LRMDA: variants seen among roughly 807,000 people sequenced by gnomAD.
The protein encoded by LRMDA is leucine rich melanocyte differentiation associated, also known as leucine-rich melanocyte differentiation-associated protein.
Under a neutral mutation model 29.8 loss-of-function variants are expected in LRMDA, and 18 were observed. The observed-to-expected ratio is 0.60, with a 90% CI of 0.42 to 0.90. The LOEUF is 0.90. Among genes scored for constraint, LRMDA ranks in the 40% least tolerant of loss-of-function variants. LRMDA has a pLI of 0.00. For missense variants in LRMDA, 273 were observed against 273.9 expected (o/e 1.00, Z 0.02); for synonymous variants, 125 against 109.4 (o/e 1.14, Z -0.89).
chr10:75,844,509 T>A (rs1564583923), intron 2 of LRMDA, among the ~76,000 whole-genome samples: 1 of 152,184 alleles, frequency 6.6e-6, no homozygotes, highest in Non-Finnish European at 1.5e-5. Flanking sequence ...TGGATGTGTC[T>A]CTTTTACCCG....
chr10:76,205,323 G>A (rs1179216832), intron 5 of LRMDA, among the ~76,000 whole-genome samples: 1 of 152,100 alleles, frequency 6.6e-6, no homozygotes, highest in Non-Finnish European at 1.5e-5. Context: ...CCTGGGTTTC[G>A]AGGTGGATTC....
chr10:75,484,231 C>T (rs1476696466), intron 2 of LRMDA, among the ~76,000 whole-genome samples: 3 of 152,158 alleles, frequency 2.0e-5, no homozygotes, highest in African/African-American at 4.8e-5. Flanking sequence ...GCTGGGATTA[C>T]AGACATGTGC....
chr10:76,113,983 T>C (rs748992107), intron 5 of LRMDA, among the ~76,000 whole-genome samples: 4 of 152,222 alleles, frequency 2.6e-5, no homozygotes, highest in Non-Finnish European at 5.9e-5. Context: ...AAGTTGGTGC[T>C]TATACAAAGC....
At chr10:75,897,417 G>T (rs919590979) in intron 2 of LRMDA, among the ~76,000 whole-genome samples, 2 of 152,202 alleles carry the variant, frequency 1.3e-5, no homozygotes, top group African/African-American at 4.8e-5. Flanking sequence ...TTGTTCTTCT[G>T]ATGTTTGGGG....
At chr10:75,447,241 T>C (rs1589146899) in intron 2 of LRMDA, among the ~76,000 whole-genome samples, 1 of 152,310 alleles carries the variant, frequency 6.6e-6, no homozygotes, top group East Asian at 1.9e-4. Flanking sequence ...CTGGCCATCC[T>C]GGTGTCTCCA....
At chr10:75,737,280 T>C (rs1842777527) in intron 2 of LRMDA, among the ~76,000 whole-genome samples, 1 of 152,176 alleles carries the variant, frequency 6.6e-6, no homozygotes, top group South Asian at 2.1e-4. Context: ...CAAAACTCTC[T>C]CAGTAAAGTA....
At chr10:75,998,387 C>T (rs779163515) in intron 2 of LRMDA, among the ~76,000 whole-genome samples, 8 of 152,158 alleles carry the variant, frequency 5.3e-5, no homozygotes, top group Admixed American at 5.2e-4. Context: ...ATCACCTGGC[C>T]TCTGGGTACC....
chr10:75,717,372 A>T (rs1052560957), intron 2 of LRMDA, among the ~76,000 whole-genome samples: 1 of 152,208 alleles, frequency 6.6e-6, no homozygotes, highest in Non-Finnish European at 1.5e-5. Flanking sequence ...GGGCGATGGG[A>T]TGGTAAATCA....
At position 75,881,394 on chromosome 10, in the gene LRMDA, C is replaced by T. The variant is rs542919749; in HGVS notation, c.132-154614C>T. Among the ~76,000 whole-genome samples the T allele has an allele frequency of 1.1e-4, 16 of 152,260 alleles. No individual in the cohort carries two copies. In the South Asian group the frequency reaches 3.3e-3, roughly 32 times the overall value. On this transcript the variant is annotated intron_variant, in intron 2 of 6. Transcript: ENST00000611255. Reference sequence around the variant, plus strand: ...AGGCAGGGAACCTAACGCCGATTCACGCTGACTTCCTAGAACTGAATCAAA... The same window carrying T: ...AGGCAGGGAACCTAACGCCGATTCATGCTGACTTCCTAGAACTGAATCAAA...
intron 2 of LRMDA, among the ~76,000 whole-genome samples, chr10:75,960,593 T>C (rs569237512): frequency 6.6e-6 from 1 of 152,266 alleles, no homozygotes; most frequent in Non-Finnish European, 1.5e-5. Context: ...CCTTTAATCC[T>C]TTTTTGTTGA....
At chr10:76,254,579 T>C (rs75715369) in intron 5 of LRMDA, among the ~76,000 whole-genome samples, 3,263 of 152,254 alleles carry the variant, frequency 0.021, 114 homozygotes, top group African/African-American at 0.074. Context: ...CTTTTTATTT[T>C]TTAAGTTTGA....
In LRMDA at chr10:76,131,663, G is replaced by GT. The variant is rs200365082; in HGVS notation, c.516+72891dup. On this transcript the variant is annotated intron_variant, in intron 5 of 6. Coordinates refer to ENST00000611255, the MANE Select transcript of LRMDA (RefSeq NM_001305581.2). ...CTTGCCACCTTTTGCTATTTTGATG[G>GT]TTTTTTTTTTTAAAGAAAAACCTTT... is the stretch of plus-strand genomic sequence containing the variant. Among the ~76,000 whole-genome samples, 675 of 146,442 alleles carry GT rather than the reference G, an allele frequency of 4.6e-3. 5 individuals are homozygous for GT. Among genetic ancestry groups the GT allele is most frequent in the East Asian group, 7.6e-3 (38 of 4,976 alleles).
chr10:76,249,083 A>G (rs1257097041), intron 5 of LRMDA, among the ~76,000 whole-genome samples: 1 of 152,148 alleles, frequency 6.6e-6, no homozygotes, highest in Non-Finnish European at 1.5e-5. Context: ...CCTGTTTGCT[A>G]TTTAGAGGGG....
At chr10:75,806,083 C>A (rs1172785862) in intron 2 of LRMDA, among the ~76,000 whole-genome samples, 1 of 152,072 alleles carries the variant, frequency 6.6e-6, no homozygotes, top group Non-Finnish European at 1.5e-5. Context: ...ATGGCAAAAG[C>A]AGGGAAAGAC....
intron 2 of LRMDA, among the ~76,000 whole-genome samples, chr10:75,748,762 A>G (rs778346070): frequency 6.6e-6 from 1 of 152,192 alleles, no homozygotes; most frequent in Admixed American, 6.5e-5. Context: ...CAGAATAGAA[A>G]ATATCAGAGT....
In LRMDA at chr10:75,559,102, G is replaced by A. The variant is rs561204266; in HGVS notation, c.131+120608G>A. On this transcript the variant is annotated intron_variant, in intron 2 of 6. Transcript: ENST00000611255. Reference sequence around the variant, plus strand: ...TCTAGTTCTAGATCCCTGAGGAATCGCCACACTGACTTCCACAATGGTTGA... The same window carrying A: ...TCTAGTTCTAGATCCCTGAGGAATCACCACACTGACTTCCACAATGGTTGA... 2.4e-3 allele frequency among the ~76,000 whole-genome samples: 363 copies of A among 151,458 alleles called. 5 individuals carry two copies. Among genetic ancestry groups the A allele is most frequent in the African/African-American group, 8.7e-3 (359 of 41,280 alleles).
chr10:76,127,566 G>A (rs1398762143), intron 5 of LRMDA, among the ~76,000 whole-genome samples: 1 of 52,880 alleles, frequency 1.9e-5, no homozygotes, highest in East Asian at 6.2e-4. Context: ...ATGAAAGAGT[G>A]CAGAGTTTTT....
At chr10:75,991,336 AC>A (rs1352041940) in intron 2 of LRMDA, among the ~76,000 whole-genome samples, 1 of 152,156 alleles carries the variant, frequency 6.6e-6, no homozygotes, top group Non-Finnish European at 1.5e-5. Flanking sequence ...AGTACCTCTT[AC>A]CCACCAGGGC....
intron 2 of LRMDA, among the ~76,000 whole-genome samples, chr10:75,522,261 T>C (rs1845370466): frequency 6.6e-6 from 1 of 152,206 alleles, no homozygotes; most frequent in South Asian, 2.1e-4. Flanking sequence ...ATTGAGGTCA[T>C]GTGGCTAGTA....
Sources: gnomAD v4.1 joint callset for allele counts (sites outside exome capture counted in the v4.1 genomes callset) on GRCh38, gnomAD v4.1.1 for gene constraint, MANE v1.5 for transcripts, NCBI Gene and HGNC (gene_info 2026-07-23, HGNC 2026-07-21) for gene names.